The following TOGARAM2 variants were observed in gnomAD, a reference collection of about 807,000 sequenced individuals.
TOGARAM2 encodes the protein TOG array regulator of axonemal microtubules 2, also known as TOG array regulator of axonemal microtubules protein 2.
In TOGARAM2, 85 loss-of-function variants were observed where a neutral mutation model predicts 93.3. That is an observed-to-expected ratio of 0.91 (90% CI 0.76 to 1.09). The LOEUF (loss-of-function observed/expected upper bound fraction) is 1.09, where lower values mean the gene tolerates loss of function less well. TOGARAM2 is among the 50% of genes least tolerant of loss of function. The probability of loss-of-function intolerance (pLI) is 0.00; values close to 1 mark genes in which losing one functional copy is unlikely to be tolerated. For missense variants in TOGARAM2, 1,277 were observed against 1,334.5 expected, an observed-to-expected ratio of 0.96 and a Z score of 0.67; for synonymous variants, 593 against 552.8, an observed-to-expected ratio of 1.07 and a Z score of -1.02.
At chr2:29,010,028 G>GGT (rs56239245) in intron 6 of TOGARAM2, among the ~76,000 whole-genome samples, 1,747 of 148,738 alleles carry the variant, frequency 0.012, 12 homozygotes, top group South Asian at 0.024. Flanking sequence ...GCTCAGAGCA[G>GGT]GTGTGTGTGT....
chr2:29,003,793 C>A, intron 6 of TOGARAM2, 111 bp downstream of exon 6: 1 of 1,068,514 alleles, frequency 9.4e-7, no homozygotes, highest in Non-Finnish European at 1.3e-6. Context: ...GTTCTTGGGA[C>A]ACCAGGCAGG....
chr2:29,028,605 C>T (rs547377885), intron 14 of TOGARAM2, among the ~76,000 whole-genome samples: 1 of 151,774 alleles, frequency 6.6e-6, no homozygotes, highest in South Asian at 2.1e-4. Flanking sequence ...TCTTTACATG[C>T]GTGTTAGCCT....
intron 1 of TOGARAM2, among the ~76,000 whole-genome samples, chr2:28,957,169 C>T (rs1451670319): frequency 6.6e-6 from 1 of 152,010 alleles, no homozygotes; most frequent in East Asian, 1.9e-4. Context: ...TTGTGATAAG[C>T]CAATAGGTTA....
At chr2:29,035,848 TCA>T (rs1200208492) in intron 17 of TOGARAM2, among the ~76,000 whole-genome samples, 192 bp downstream of exon 17, 3 of 152,224 alleles carry the variant, frequency 2.0e-5, no homozygotes, top group Non-Finnish European at 4.4e-5. Flanking sequence ...TTGGAAATGC[TCA>T]GAGATGTCTC....
intron 4 of TOGARAM2, among the ~76,000 whole-genome samples, chr2:28,999,963 C>T (rs544150451): frequency 9.5e-4 from 145 of 152,206 alleles, no homozygotes; most frequent in African/African-American, 3.3e-3. Context: ...ACCCCTCCTC[C>T]GTTTCCCACT....
chr2:28,996,585 G>A (rs1295818244), intron 2 of TOGARAM2, among the ~76,000 whole-genome samples: 1 of 152,040 alleles, frequency 6.6e-6, no homozygotes, highest in Non-Finnish European at 1.5e-5. Flanking sequence ...ACTTTGGGAG[G>A]CAGAGGCGGG....
chr2:29,026,734 T>C, intron 13 of TOGARAM2, 119 bp from the exon 14 acceptor site: 8 of 1,175,172 alleles, frequency 6.8e-6, no homozygotes, highest in Non-Finnish European at 9.1e-6. Context: ...GGACAGGTAT[T>C]TTTGGAGCCC....
chr2:29,013,278 A>T (rs1204389184), intron 7 of TOGARAM2, among the ~76,000 whole-genome samples: 1 of 152,248 alleles, frequency 6.6e-6, no homozygotes, highest in Non-Finnish European at 1.5e-5. Flanking sequence ...CGGGTATTTT[A>T]TCCATCCCAA....
At chr2:28,965,043 T>C (rs967394368) in intron 1 of TOGARAM2, among the ~76,000 whole-genome samples, 2 of 152,234 alleles carry the variant, frequency 1.3e-5, no homozygotes, top group Non-Finnish European at 2.9e-5. Context: ...TTTCCGGTTC[T>C]AGATCTTTGA....
chr2:29,036,447 T>C, intron 17 of TOGARAM2, 94 bp from the exon 18 acceptor site: 1 of 1,171,690 alleles, frequency 8.5e-7, no homozygotes, highest in Non-Finnish European at 1.3e-6. Context: ...CTGAGGTCGC[T>C]CAGTTGGGCC....
intron 6 of TOGARAM2, among the ~76,000 whole-genome samples, chr2:29,007,130 T>A (rs1663926432): frequency 6.6e-6 from 1 of 152,206 alleles, no homozygotes; most frequent in Non-Finnish European, 1.5e-5. Context: ...GGCCCTTATG[T>A]GTGCCCAAGT....
At chr2:29,005,330 T>A (rs1327970646) in intron 6 of TOGARAM2, among the ~76,000 whole-genome samples, 1 of 66,594 alleles carries the variant, frequency 1.5e-5, no homozygotes, top group African/African-American at 3.6e-5. Flanking sequence ...CATGTGTGTG[T>A]GAGACCGTGT....
rs1162432993 is a variant in TOGARAM2 at position 29,051,805 on chromosome 2, T to C, written c.2772T>C (p.His924=). The C allele has an allele frequency of 1.3e-6, 2 of 1,557,054 alleles. No individual in the cohort carries two copies. The highest frequency in any genetic ancestry group is 1.4e-5 in the African/African-American group (1 of 73,386). The change falls in exon 20 of 20, where the codon CAT becomes CAC. Residue 924 remains histidine (H), a synonymous_variant. Coordinates refer to ENST00000379558, the MANE Select transcript of TOGARAM2 (RefSeq NM_199280.4). ...GGAAGCCTCAAGCTGTAGAGCGGCA[T>C]GTCCTTCCCATCCTCTGGCACTTCC... is the stretch of plus-strand genomic sequence containing the variant. ...YPRKPQAVER[H]VLPILWHFLN... is the part of the protein sequence containing the mutation.
At chr2:29,042,916 G>A (rs1260706792) in intron 18 of TOGARAM2, among the ~76,000 whole-genome samples, 3 of 152,318 alleles carry the variant, frequency 2.0e-5, no homozygotes, top group East Asian at 1.9e-4. Flanking sequence ...GGAGTTATAC[G>A]TCTGTGCTCT....
In TOGARAM2 at chr2:29,051,782, A is replaced by C. The variant is rs1271227289; in HGVS notation, c.2749A>C (p.Lys917Gln). 4 of 1,529,314 alleles carry C rather than the reference A, an allele frequency of 2.6e-6. No individual in the cohort carries two copies. The highest frequency in any genetic ancestry group is 3.5e-6 in the Non-Finnish European group (4 of 1,131,064). The allele number at this position is 1,529,314 out of a possible 1,614,324, so 94.7% of individuals were successfully genotyped here. Residue 917 changes from lysine to glutamine, a missense_variant, in exon 20 of 20, where the codon AAG (lysine) becomes CAG (glutamine). Coordinates refer to ENST00000379558, the MANE Select transcript of TOGARAM2 (RefSeq NM_199280.4). ...GCTGGTGGCCTCAGTTTACCCCCGG[A>C]AGCCTCAAGCTGTAGAGCGGCATGT... ...AVLVASVYPR[K>Q]PQAVERHVLP...
chr2:29,006,389 C>CGT (rs371141047), intron 6 of TOGARAM2, among the ~76,000 whole-genome samples: 4 of 122,132 alleles, frequency 3.3e-5, no homozygotes, highest in Admixed American at 1.7e-4. Flanking sequence ...TGTGTGAGTG[C>CGT]GTGTGTGTGA....
At chr2:29,040,005 C>A (rs867890808) in intron 18 of TOGARAM2, among the ~76,000 whole-genome samples, 1 of 152,286 alleles carries the variant, frequency 6.6e-6, no homozygotes. Context: ...GCTTGGAATG[C>A]GGGTGGCTTC....
intron 1 of TOGARAM2, among the ~76,000 whole-genome samples, chr2:28,985,496 G>A (rs1207667059): frequency 2.6e-5 from 4 of 152,050 alleles, no homozygotes; most frequent in Admixed American, 1.3e-4. Flanking sequence ...GCCCCTTCCA[G>A]CTTGAAATTT....
intron 8 of TOGARAM2, among the ~76,000 whole-genome samples, chr2:29,015,156 G>C (rs577661699): frequency 1.4e-4 from 21 of 152,058 alleles, no homozygotes; most frequent in African/African-American, 4.8e-4. Flanking sequence ...TATCTTGAAG[G>C]CCTCCTGGGT....
Sources: gnomAD v4.1 joint callset for allele counts (sites outside exome capture counted in the v4.1 genomes callset) on GRCh38, gnomAD v4.1.1 for gene constraint, MANE v1.5 for transcripts, NCBI Gene and HGNC (gene_info 2026-07-23, HGNC 2026-07-21) for gene names.